Variants in CCR5AS observed in about 807,000 individuals in gnomAD.
CCR5AS encodes the protein CCR5 antisense RNA.
intron 2 of CCR5AS, among the ~76,000 whole-genome samples, chr3:46,391,457 G>T (rs1355813951): frequency 6.6e-6 from 1 of 152,144 alleles, no homozygotes; most frequent in Non-Finnish European, 1.5e-5. Context: ...AGCAGATTGG[G>T]TAATAAAATG....
chr3:46,396,625 G>A (rs963152194), intron 1 of CCR5AS, among the ~76,000 whole-genome samples: 1 of 152,198 alleles, frequency 6.6e-6, no homozygotes, highest in African/African-American at 2.4e-5. Context: ...TGCCTGCCCA[G>A]GCAATGCCCC....
intron 3 of CCR5AS, among the ~76,000 whole-genome samples, chr3:46,367,988 G>A (rs932377120): frequency 6.6e-6 from 1 of 152,362 alleles, no homozygotes. Flanking sequence ...AACAGCTGCT[G>A]TATGGCAGGG....
At chr3:46,395,031 G>A (rs1266063224) in intron 1 of CCR5AS, among the ~76,000 whole-genome samples, 2 of 152,138 alleles carry the variant, frequency 1.3e-5, no homozygotes, top group Non-Finnish European at 2.9e-5. Flanking sequence ...CTAGGTGGAG[G>A]TTTGGCAATG....
intron 2 of CCR5AS, among the ~76,000 whole-genome samples, chr3:46,379,283 G>A (rs1267878225): frequency 1.4e-5 from 2 of 147,670 alleles, no homozygotes; most frequent in African/African-American, 5.0e-5. Context: ...TTGGTTTTTT[G>A]TTCTTGCGAT....
intron 3 of CCR5AS, among the ~76,000 whole-genome samples, chr3:46,369,966 G>A (rs1235546664): frequency 6.6e-6 from 1 of 152,202 alleles, no homozygotes; most frequent in Non-Finnish European, 1.5e-5. Flanking sequence ...CGGAAGCCCA[G>A]AGGGCATCTT....
chr3:46,365,285 C>A (rs1345590938), intron 3 of CCR5AS, among the ~76,000 whole-genome samples: 2 of 152,142 alleles, frequency 1.3e-5, no homozygotes, highest in Admixed American at 1.3e-4. Context: ...CTTTAGCAAC[C>A]ACCACCCTGA....
chr3:46,401,226 G>A (rs373277112), intron 1 of CCR5AS, among the ~76,000 whole-genome samples: 2 of 152,140 alleles, frequency 1.3e-5, no homozygotes, highest in African/African-American at 4.8e-5. Flanking sequence ...GGTCCACGCA[G>A]GCCACAGGAA....
intron 2 of CCR5AS, among the ~76,000 whole-genome samples, chr3:46,391,575 T>C (rs1157159891): frequency 1.3e-5 from 2 of 152,082 alleles, no homozygotes; most frequent in Non-Finnish European, 2.9e-5. Context: ...TCATATTTGA[T>C]GAAAAAGAGC....
intron 3 of CCR5AS, among the ~76,000 whole-genome samples, chr3:46,366,675 C>G (rs781651293): frequency 6.6e-6 from 1 of 152,166 alleles, no homozygotes; most frequent in Non-Finnish European, 1.5e-5. Flanking sequence ...ATGGAGACAA[C>G]AGCATGGTGA....
chr3:46,372,806 T>C (rs965384404), intron 2 of CCR5AS: 4 of 907,828 alleles, frequency 4.4e-6, no homozygotes, highest in Admixed American at 4.7e-5. Flanking sequence ...TAAAAACCTA[T>C]TGATGTATAA....
intron 2 of CCR5AS, chr3:46,372,908 T>A (rs1365309969): frequency 1.3e-6 from 2 of 1,580,542 alleles, no homozygotes; most frequent in Non-Finnish European, 1.7e-6. Context: ...ACAAGATGGA[T>A]TATCAAGTGT....
intron 3 of CCR5AS, among the ~76,000 whole-genome samples, chr3:46,365,903 C>A (rs951936549): frequency 6.6e-6 from 1 of 152,318 alleles, no homozygotes; most frequent in African/African-American, 2.4e-5. Context: ...CCTATTAACT[C>A]TCTCCAATCC....
intron 3 of CCR5AS, among the ~76,000 whole-genome samples, chr3:46,365,428 T>C (rs1202762944): frequency 1.3e-5 from 2 of 152,142 alleles, no homozygotes; most frequent in African/African-American, 4.8e-5. Context: ...TGCACATTGG[T>C]TTTTCTGACA....
At chr3:46,363,994 A>G (rs900308415), downstream of CCR5AS, among the ~76,000 whole-genome samples, 10 of 152,262 alleles carry the variant, frequency 6.6e-5, no homozygotes, top group African/African-American at 2.2e-4. Context: ...TTGGTTTGTG[A>G]GGTTTAATGA....
At chr3:46,389,141 GATAA>G (rs1265019653) in intron 2 of CCR5AS, among the ~76,000 whole-genome samples, 1 of 152,122 alleles carries the variant, frequency 6.6e-6, no homozygotes, top group East Asian at 1.9e-4. Flanking sequence ...GTAGGGTAAG[GATAA>G]ATAGACTTAA....
chr3:46,394,782 T>C (rs778558202), intron 1 of CCR5AS, among the ~76,000 whole-genome samples: 4 of 151,926 alleles, frequency 2.6e-5, no homozygotes, highest in African/African-American at 7.3e-5. Flanking sequence ...CTTCAGGAAA[T>C]GGTAAGTGGC....
At chr3:46,379,475 T>G (rs537026424) in intron 2 of CCR5AS, among the ~76,000 whole-genome samples, 1 of 152,282 alleles carries the variant, frequency 6.6e-6, no homozygotes, top group Non-Finnish European at 1.5e-5. Flanking sequence ...TTATTGTTAT[T>G]GTAACTGAAC....
At chr3:46,376,582 G>GAT (rs1559570068) in intron 2 of CCR5AS, among the ~76,000 whole-genome samples, 1 of 152,178 alleles carries the variant, frequency 6.6e-6, no homozygotes, top group Non-Finnish European at 1.5e-5. Context: ...AAATGAAGAA[G>GAT]ATATGCAACG....
chr3:46,395,344 C>G (rs1247181521), intron 1 of CCR5AS, among the ~76,000 whole-genome samples: 2 of 152,082 alleles, frequency 1.3e-5, no homozygotes, highest in Non-Finnish European at 2.9e-5. Flanking sequence ...AGATCGACAT[C>G]TGGGGTCACA....
Sources: gnomAD v4.1 joint callset for allele counts (sites outside exome capture counted in the v4.1 genomes callset) on GRCh38, gnomAD v4.1.1 for gene constraint, MANE v1.5 for transcripts, NCBI Gene and HGNC (gene_info 2026-07-23, HGNC 2026-07-21) for gene names.